Variants in HSPBAP1 observed in about 807,000 individuals in gnomAD.
HSPBAP1 encodes HSPB1 associated protein 1.
A neutral mutation model predicts 45.2 loss-of-function variants in HSPBAP1; 27 were observed. The ratio of observed to expected loss-of-function variants is 0.60; its 90% confidence interval spans 0.44 to 0.82. The LOEUF is 0.82. HSPBAP1 is among the 40% of genes least tolerant of loss of function. The probability of loss-of-function intolerance (pLI) is 0.00; values close to 1 mark genes in which losing one functional copy is unlikely to be tolerated. For missense variants in HSPBAP1, 510 were observed against 590.9 expected, an observed-to-expected ratio of 0.86 and a Z score of 1.42; for synonymous variants, 204 against 202.7, an observed-to-expected ratio of 1.01 and a Z score of -0.06.
chr3:122,753,728 ACT>A (rs1325672179), intron 5 of HSPBAP1: 5 of 984,842 alleles, frequency 5.1e-6, no homozygotes, highest in Non-Finnish European at 6.0e-6. Flanking sequence ...TTTCAGGAAA[ACT>A]GGAAACTATA....
intron 6 of HSPBAP1, among the ~76,000 whole-genome samples, chr3:122,750,127 A>G (rs1934076707): frequency 6.6e-6 from 1 of 151,258 alleles, no homozygotes; most frequent in Non-Finnish European, 1.5e-5. Flanking sequence ...GGTGCGTGCC[A>G]CTATGCCCAG....
intron 1 of HSPBAP1, among the ~76,000 whole-genome samples, chr3:122,791,408 T>G (rs1935825962): frequency 6.6e-6 from 1 of 152,258 alleles, no homozygotes; most frequent in Non-Finnish European, 1.5e-5. Flanking sequence ...GGACTTGGCA[T>G]GGAGTGCCCT....
intron 5 of HSPBAP1, chr3:122,754,058 T>C (rs1026537190): frequency 9.3e-6 from 2 of 215,066 alleles, no homozygotes; most frequent in African/African-American, 2.3e-5. Flanking sequence ...ACAGCTGCTA[T>C]GGAAAATAGT....
intron 5 of HSPBAP1, 179 bp from the exon 6 acceptor site, chr3:122,752,853 T>A: frequency 7.3e-7 from 1 of 1,370,978 alleles, no homozygotes; most frequent in Non-Finnish European, 9.4e-7. Flanking sequence ...TTTTATTCCT[T>A]TTTTATTGAC....
At chr3:122,780,583 G>T (rs1372218874) in intron 1 of HSPBAP1, among the ~76,000 whole-genome samples, 4 of 145,068 alleles carry the variant, frequency 2.8e-5, no homozygotes, top group African/African-American at 5.4e-5. Flanking sequence ...TCCCGGACGG[G>T]GCGGCTGGCC....
chr3:122,777,934 G>C, intron 1 of HSPBAP1, 28 bp from the exon 2 acceptor site: 1 of 1,512,456 alleles, frequency 6.6e-7, no homozygotes, highest in Non-Finnish European at 9.1e-7. Context: ...TACAGCAATA[G>C]ATAGAAAACT....
At chr3:122,747,611 G>A (rs1317793315) in intron 6 of HSPBAP1, among the ~76,000 whole-genome samples, 12 of 146,784 alleles carry the variant, frequency 8.2e-5, no homozygotes, top group African/African-American at 2.5e-4. Context: ...CCGGCCAGCC[G>A]CCCCATCTGG....
chr3:122,784,182 G>A (rs566323245), intron 1 of HSPBAP1, among the ~76,000 whole-genome samples: 1 of 151,932 alleles, frequency 6.6e-6, no homozygotes, highest in Non-Finnish European at 1.5e-5. Flanking sequence ...CATATTTGGG[G>A]GTGGCATATT....
chr3:122,773,032 G>T (rs565693096), intron 2 of HSPBAP1, among the ~76,000 whole-genome samples: 8 of 150,832 alleles, frequency 5.3e-5, no homozygotes, highest in African/African-American at 1.7e-4. Context: ...TTTTTTTTTT[G>T]TAGAGACAGG....
Position 122,740,742 on chromosome 3 carries a change from T to C in HSPBAP1, c.1070A>G (p.Glu357Gly), listed in dbSNP as rs1380367934. 6.2e-7 allele frequency: 1 copy of C among 1,614,058 alleles called. No homozygotes were observed. Among genetic ancestry groups the C allele is most frequent in the Non-Finnish European group, 8.5e-7 (1 of 1,180,050 alleles). Residue 357 changes from glutamate to glycine, a missense_variant, in exon 8 of 8, where the codon GAA becomes GGA. Transcript: ENST00000306103. ...LRTDGEHMKKEELNVCNHMEV... is the reference protein window; with the variant it reads ...LRTDGEHMKKGELNVCNHMEV... The stretch of plus-strand genomic sequence containing the variant: ...CATGTGGTTGCACACATTTAATTCT[T>C]CCTTTTTCATGTGCTCTCCATCTGT...
intron 3 of HSPBAP1, among the ~76,000 whole-genome samples, chr3:122,764,010 C>A (rs1165696473): frequency 1.3e-5 from 2 of 152,224 alleles, no homozygotes; most frequent in Admixed American, 1.3e-4. Context: ...GGCTCAGGTT[C>A]AGCCTTGGCT....
chr3:122,781,744 T>C (rs539083112), intron 1 of HSPBAP1, among the ~76,000 whole-genome samples: 1 of 152,356 alleles, frequency 6.6e-6, no homozygotes, highest in South Asian at 2.1e-4. Flanking sequence ...TCTGCATTAA[T>C]TTAAGATAAT....
chr3:122,741,666 C>T (rs13085939), intron 6 of HSPBAP1: 13,392 of 152,852 alleles, frequency 0.088, 684 homozygotes, highest in East Asian at 0.13. Flanking sequence ...ATGCCTGTAA[C>T]ATATATAACT....
chr3:122,777,268 C>T (rs1935217954), intron 2 of HSPBAP1, among the ~76,000 whole-genome samples: 1 of 152,000 alleles, frequency 6.6e-6, no homozygotes, highest in Admixed American at 6.6e-5. Context: ...AAAATTACAA[C>T]CAAGTAATTA....
At chr3:122,756,471 G>C (rs1934360501) in intron 4 of HSPBAP1, among the ~76,000 whole-genome samples, 1 of 152,118 alleles carries the variant, frequency 6.6e-6, no homozygotes, top group Non-Finnish European at 1.5e-5. Flanking sequence ...AGGAATGCTT[G>C]AGGCCAGGAT....
chr3:122,741,196 T>C, intron 6 of HSPBAP1, 83 bp from the exon 7 acceptor site: 1 of 991,188 alleles, frequency 1.0e-6, no homozygotes, highest in South Asian at 1.4e-5. Context: ...AATTTCATCT[T>C]CTGTTCTCTC....
chr3:122,769,236 T>C (rs967989579), intron 2 of HSPBAP1, among the ~76,000 whole-genome samples: 5 of 152,204 alleles, frequency 3.3e-5, no homozygotes, highest in Non-Finnish European at 5.9e-5. Context: ...ATAAAGCAGT[T>C]TTAACCTTAA....
Position 122,772,777 on chromosome 3 carries a change from T to C in HSPBAP1, c.251-3895A>G, listed in dbSNP as rs562003386. Among the ~76,000 whole-genome samples, 3 of 152,252 alleles carry C rather than the reference T, an allele frequency of 2.0e-5. No individual in the cohort carries two copies. In the South Asian group the frequency reaches 6.2e-4, roughly 32 times the overall value. On this transcript the variant is annotated intron_variant, in intron 2 of 7. Transcript: ENST00000306103. ...ATTTGATTATATAAAAATATAAAACTGTGAAGCTAAAATGAGAAAGCAAAC... is the reference window on the plus strand; with the variant it reads ...ATTTGATTATATAAAAATATAAAACCGTGAAGCTAAAATGAGAAAGCAAAC...
chr3:122,741,513 T>C (rs1933667310), intron 6 of HSPBAP1: 3 of 174,590 alleles, frequency 1.7e-5, no homozygotes, highest in Admixed American at 1.7e-4. Flanking sequence ...ATAAACATGC[T>C]TGGCTACAAG....
Sources: gnomAD v4.1 joint callset for allele counts (sites outside exome capture counted in the v4.1 genomes callset) on GRCh38, gnomAD v4.1.1 for gene constraint, MANE v1.5 for transcripts, NCBI Gene and HGNC (gene_info 2026-07-23, HGNC 2026-07-21) for gene names.